CSMD1: variants seen among roughly 807,000 people sequenced by gnomAD.
CSMD1 encodes CUB and Sushi multiple domains 1.
A neutral mutation model predicts 417.5 loss-of-function variants in CSMD1; 213 were observed. The observed-to-expected ratio is 0.51, with a 90% CI of 0.46 to 0.57. CSMD1 has a LOEUF of 0.57. Among genes scored for constraint, CSMD1 ranks in the 20% least tolerant of loss-of-function variants. CSMD1 has a pLI of 0.00. For synonymous variants in CSMD1, 2,862 were observed against 1,736.8 expected, an observed-to-expected ratio of 1.65 and a Z score of -16.11; for missense variants, 6,923 against 4,529.7, an observed-to-expected ratio of 1.53 and a Z score of -15.17.
At position 4,398,190 on chromosome 8, in the gene CSMD1, G is replaced by T. The variant is rs539275899; in HGVS notation, c.415+21763C>A. On this transcript the variant is annotated intron_variant, in intron 3 of 69. Transcript: ENST00000635120. ...TTTCCTGACAACAGAACTCCAAGTA[G>T]CTGAGAATGTAGAAGGATGATCTGT... is the stretch of plus-strand genomic sequence containing the variant. Among the ~76,000 whole-genome samples the T allele has an allele frequency of 4.6e-5, 7 of 152,268 alleles. No homozygotes were observed. The South Asian group carries it at 1.5e-3, about 32-fold the overall frequency.
intron 7 of CSMD1, among the ~76,000 whole-genome samples, chr8:3,644,818 C>T (rs1490489474): frequency 6.6e-6 from 1 of 151,990 alleles, no homozygotes; most frequent in African/African-American, 2.4e-5. Context: ...TTAACATCCT[C>T]CCTCCAGGAA....
At chr8:3,450,979 G>C (rs1297467218) in intron 12 of CSMD1, among the ~76,000 whole-genome samples, 2 of 152,134 alleles carry the variant, frequency 1.3e-5, no homozygotes, top group Non-Finnish European at 2.9e-5. Flanking sequence ...AGCACCTGTT[G>C]TTTCCTGACT....
chr8:3,808,789 T>G (rs887143769), intron 5 of CSMD1, among the ~76,000 whole-genome samples: 1 of 152,178 alleles, frequency 6.6e-6, no homozygotes, highest in East Asian at 1.9e-4. Context: ...TGTCTCGGAA[T>G]TGGAAAATTT....
At chr8:4,170,530 T>TA (rs1241052459) in intron 3 of CSMD1, among the ~76,000 whole-genome samples, 1 of 151,892 alleles carries the variant, frequency 6.6e-6, no homozygotes, top group Admixed American at 6.5e-5. Flanking sequence ...GTAAAGTCTA[T>TA]AGTCGGAGTA....
At chr8:3,372,824 A>AAC (rs769133469) in intron 18 of CSMD1, among the ~76,000 whole-genome samples, 2 of 152,192 alleles carry the variant, frequency 1.3e-5, no homozygotes, top group Non-Finnish European at 2.9e-5. Flanking sequence ...GGGAGACCAC[A>AAC]ACTATGTGAG....
intron 12 of CSMD1, among the ~76,000 whole-genome samples, chr8:3,424,016 A>T (rs1280016220): frequency 6.6e-6 from 1 of 152,190 alleles, no homozygotes; most frequent in Non-Finnish European, 1.5e-5. Flanking sequence ...GGTCTCTCCA[A>T]GCTCTTCCGT....
chr8:3,801,996 C>T (rs1800483295), intron 5 of CSMD1, among the ~76,000 whole-genome samples: 1 of 151,938 alleles, frequency 6.6e-6, no homozygotes, highest in African/African-American at 2.4e-5. Flanking sequence ...TGAAAATATT[C>T]TAAAATCGGA....
At chr8:3,428,770 A>G (rs752641054) in intron 12 of CSMD1, among the ~76,000 whole-genome samples, 1 of 152,218 alleles carries the variant, frequency 6.6e-6, no homozygotes, top group East Asian at 1.9e-4. Flanking sequence ...TCACTGCAGA[A>G]TCATTCACAA....
At chr8:3,217,662 C>T (rs967635273) in intron 29 of CSMD1, among the ~76,000 whole-genome samples, 20 of 152,224 alleles carry the variant, frequency 1.3e-4, no homozygotes, top group Admixed American at 8.5e-4. Flanking sequence ...TATTCCTAAA[C>T]GTGACGGATC....
intron 33 of CSMD1, among the ~76,000 whole-genome samples, chr8:3,197,072 G>C (rs1482411833): frequency 2.0e-5 from 3 of 152,178 alleles, no homozygotes; most frequent in Non-Finnish European, 4.4e-5. Context: ...CAATTGCATA[G>C]AGTAACTAGA....
chr8:3,496,974 C>G (rs1239201722), intron 10 of CSMD1, among the ~76,000 whole-genome samples: 2 of 152,106 alleles, frequency 1.3e-5, no homozygotes, highest in Non-Finnish European at 2.9e-5. Flanking sequence ...TTATTTATTT[C>G]TAATTTTATC....
chr8:4,992,065 T>A (rs1234430374), intron 1 of CSMD1, among the ~76,000 whole-genome samples: 6 of 152,096 alleles, frequency 3.9e-5, no homozygotes, highest in Non-Finnish European at 1.5e-5. Context: ...CTTCTCGGCT[T>A]CTACAGCCAG....
At chr8:4,435,513 G>A (rs1371247193) in intron 2 of CSMD1, among the ~76,000 whole-genome samples, 1 of 152,174 alleles carries the variant, frequency 6.6e-6, no homozygotes, top group Non-Finnish European at 1.5e-5. Flanking sequence ...CAGGAAAACT[G>A]AAACCTTAAC....
chr8:4,606,760 T>A (rs1477339467), intron 2 of CSMD1, among the ~76,000 whole-genome samples: 2 of 152,194 alleles, frequency 1.3e-5, no homozygotes, highest in African/African-American at 4.8e-5. Flanking sequence ...TATGAAGGGA[T>A]AGTAAATTTT....
At position 3,558,394 on chromosome 8, in the gene CSMD1, C is replaced by T. The variant is rs1253643125; in HGVS notation, c.1344+16551G>A. Among the ~76,000 whole-genome samples the T allele has an allele frequency of 2.8e-5, 4 of 145,144 alleles. No homozygotes were observed. The East Asian group carries it at 8.0e-4, about 29-fold the overall frequency. ...GTGCCTCAGTAGTACCCCGTGTCCA[C>T]TTCTCCAATGATGAACGGTGCCTCA... On this transcript the variant is annotated intron_variant, in intron 10 of 69. Coordinates refer to ENST00000635120, the MANE Select transcript of CSMD1 (RefSeq NM_033225.6).
At chr8:3,799,714 T>C (rs114306835) in intron 5 of CSMD1, among the ~76,000 whole-genome samples, 4,575 of 152,120 alleles carry the variant, frequency 0.03, 170 homozygotes, top group African/African-American at 0.083. Flanking sequence ...AGCTGAACGT[T>C]TGACATTCTG....
At chr8:4,519,464 G>A (rs1198021595) in intron 2 of CSMD1, among the ~76,000 whole-genome samples, 1 of 151,742 alleles carries the variant, frequency 6.6e-6, no homozygotes. Flanking sequence ...GGGAAGCTGG[G>A]CATGGTGGCT....
chr8:3,393,461 T>G (rs914086647), intron 17 of CSMD1, among the ~76,000 whole-genome samples: 9 of 152,184 alleles, frequency 5.9e-5, no homozygotes, highest in Non-Finnish European at 1.2e-4. Flanking sequence ...TTCTTCTTTT[T>G]AGGGATGGAG....
At position 3,288,344 on chromosome 8, in the gene CSMD1, C is replaced by G. The variant is rs185126772; in HGVS notation, c.3951-3998G>C. Reference sequence around the variant, plus strand: ...AAACGAGGGAGGATTCCTTCTTTTTCTATTGATTGGAATAGTTTCAGAAGG... The same window carrying G: ...AAACGAGGGAGGATTCCTTCTTTTTGTATTGATTGGAATAGTTTCAGAAGG... On this transcript the variant is annotated intron_variant, in intron 25 of 69. Coordinates refer to ENST00000635120, the MANE Select transcript of CSMD1 (RefSeq NM_033225.6). Among the ~76,000 whole-genome samples, 49 of 147,148 alleles carry G rather than the reference C, an allele frequency of 3.3e-4. 6 individuals carry two copies. Among genetic ancestry groups the G allele is most frequent in the African/African-American group, 1.3e-3 (47 of 36,966 alleles).
Sources: allele counts gnomAD v4.1 joint callset (sites outside exome capture counted in the v4.1 genomes callset), GRCh38; gene constraint gnomAD v4.1.1; transcripts MANE v1.5; gene names NCBI Gene and HGNC (gene_info 2026-07-23, HGNC 2026-07-21).